Variants in LANCL3 observed in about 807,000 individuals in gnomAD.
LANCL3 encodes the protein lanC-like protein 3.
In LANCL3, 19 loss-of-function variants were observed where a neutral mutation model predicts 26.5. That is an observed-to-expected ratio of 0.72 (90% confidence interval 0.50 to 1.05). The LOEUF (loss-of-function observed/expected upper bound fraction) is 1.05. Ranked by LOEUF, LANCL3 falls within the 50% of genes least tolerant of loss-of-function variation. LANCL3 has a pLI of 0.00. For synonymous variants in LANCL3, 160 were observed against 166.6 expected, an observed-to-expected ratio of 0.96 and a Z score of 0.30; for missense variants, 318 against 362.7, an observed-to-expected ratio of 0.88 and a Z score of 1.00.
At chrX:37,663,129 C>T (rs1602134436) in intron 3 of LANCL3, among the ~76,000 whole-genome samples, 1 of 112,481 alleles carries the variant, frequency 8.9e-6, no homozygotes, top group African/African-American at 3.2e-5. Context: ...GGTCAACAGA[C>T]ATGTATGAGG....
At chrX:37,629,725 T>C (rs1462383865) in intron 1 of LANCL3, among the ~76,000 whole-genome samples, 139 of 111,548 alleles carry the variant, frequency 1.2e-3, no homozygotes, top group Non-Finnish European at 2.1e-3. Context: ...CCATTGCTTA[T>C]TTTTGTCAGG....
At chrX:37,632,424 C>G (rs1925549972) in intron 1 of LANCL3, among the ~76,000 whole-genome samples, 1 of 111,288 alleles carries the variant, frequency 9.0e-6, no homozygotes, top group Non-Finnish European at 1.9e-5. Flanking sequence ...CAGTCTGTGT[C>G]TTTTAATTGG....
intron 1 of LANCL3, among the ~76,000 whole-genome samples, chrX:37,575,250 A>T (rs1214506469): frequency 9.0e-6 from 1 of 110,982 alleles, no homozygotes; most frequent in Non-Finnish European, 1.9e-5. Context: ...TACTTCCTCA[A>T]TGAGGCTTTT....
At chrX:37,638,485 G>C (rs1322284574) in intron 1 of LANCL3, among the ~76,000 whole-genome samples, 1 of 111,375 alleles carries the variant, frequency 9.0e-6, no homozygotes, top group Non-Finnish European at 1.9e-5. Context: ...CCCTACTTCA[G>C]GATACCTAGT....
intron 1 of LANCL3, among the ~76,000 whole-genome samples, chrX:37,583,295 T>C (rs1210615163): frequency 8.9e-6 from 1 of 112,027 alleles, no homozygotes; most frequent in Non-Finnish European, 1.9e-5. Flanking sequence ...GACTTGGCAA[T>C]GTGGGCTCTT....
At chrX:37,670,310 G>A (rs1053094811) in intron 4 of LANCL3, among the ~76,000 whole-genome samples, 10 of 110,805 alleles carry the variant, frequency 9.0e-5, no homozygotes, top group African/African-American at 3.3e-4. Context: ...AATTTTGTTT[G>A]TAGCCTTTGT....
chrX:37,587,965 G>A (rs1489445158), intron 1 of LANCL3, among the ~76,000 whole-genome samples: 6 of 112,331 alleles, frequency 5.3e-5, no homozygotes, highest in Non-Finnish European at 1.1e-4. Flanking sequence ...TATTTAAAGA[G>A]AACATAGTTC....
In LANCL3 at chrX:37,681,127, G is replaced by A. The variant is rs1452369895; in HGVS notation, c.*5314G>A. The A allele has an allele frequency of 8.9e-6, 1 of 111,989 alleles. No individual in the cohort carries two copies. Among genetic ancestry groups the A allele is most frequent in the Non-Finnish European group, 1.9e-5 (1 of 53,213 alleles). The allele number at this position is 111,989 out of a possible 1,213,427, so 9.2% of individuals were successfully genotyped here. ...CTGCTAGAATTGTGCTGTGAGCCAC[G>A]AATGCAAACCACATATGCAATTTTC... On this transcript the variant is annotated 3_prime_UTR_variant, in exon 5 of 5. Transcript: ENST00000378619.
chrX:37,667,149 A>G, intron 3 of LANCL3, 133 bp from the exon 4 acceptor site: 1 of 330,190 alleles, frequency 3.0e-6, no homozygotes, highest in Non-Finnish European at 5.1e-6. Context: ...CAGGGCCCAC[A>G]TCAGAACTAC....
In LANCL3 at chrX:37,572,338, C is replaced by T; in HGVS notation, c.468C>T (p.Val156=). The T allele has an allele frequency of 2.6e-6, 3 of 1,165,435 alleles. No homozygotes were observed. Among genetic ancestry groups the T allele is most frequent in the Non-Finnish European group, 3.4e-6 (3 of 872,579 alleles). The stretch of plus-strand genomic sequence containing the variant: ...GCAAGTTCCGGGCTCTGTGTGCCGT[C>T]TGCGCGCCGGTCTCCTTCCTGGAGT... The part of the protein sequence containing the change: ...PLGKFRALCA[V]CAPVSFLECG... Residue 156 remains valine, a synonymous_variant, in exon 1 of 5, where the codon GTC becomes GTT. Transcript: ENST00000378619.
At chrX:37,663,775 T>C (rs1158706050) in intron 3 of LANCL3, among the ~76,000 whole-genome samples, 1 of 111,061 alleles carries the variant, frequency 9.0e-6, no homozygotes, top group Non-Finnish European at 1.9e-5. Flanking sequence ...CCACCTTCCT[T>C]TGATTGGCTG....
chrX:37,648,620 T>A (rs1926047261), intron 1 of LANCL3, among the ~76,000 whole-genome samples: 1 of 112,028 alleles, frequency 8.9e-6, no homozygotes. Context: ...TGGGATCTAA[T>A]TAAACTAAAG....
At chrX:37,610,633 A>G (rs1017421157) in intron 1 of LANCL3, among the ~76,000 whole-genome samples, 22 of 111,531 alleles carry the variant, frequency 2.0e-4, no homozygotes, top group Non-Finnish European at 3.4e-4. Context: ...TTTTCCCCCC[A>G]TCTTTGTTCC....
In LANCL3 at chrX:37,676,325, C is replaced by T. The variant is rs1265230912; in HGVS notation, c.*512C>T. The T allele has an allele frequency of 3.6e-5, 4 of 112,103 alleles. No individual in the cohort carries two copies. Among genetic ancestry groups the T allele is most frequent in the African/African-American group, 9.7e-5 (3 of 30,923 alleles). 9.2% of individuals were successfully genotyped at this position (112,103 alleles called of 1,213,427 possible). On this transcript the variant is annotated 3_prime_UTR_variant, in exon 5 of 5. Coordinates refer to ENST00000378619, the MANE Select transcript of LANCL3 (RefSeq NM_001170331.2). ...AACTCTTGGTTGTCCTGTGCTTATA[C>T]TTATTGAAATTTATGGTTTTTACTG...
intron 3 of LANCL3, among the ~76,000 whole-genome samples, chrX:37,661,915 T>C (rs1926431102): frequency 8.9e-6 from 1 of 112,276 alleles, no homozygotes; most frequent in Admixed American, 9.4e-5. Flanking sequence ...TTATGCAGTG[T>C]AGAAATAGTT....
rs1437751672 is a variant in LANCL3 at position 37,683,562 on chromosome X, C to T, written c.*7749C>T. ...CAAGTAAAATTTTGAAAGACTCGGA[C>T]ACAAAATGAAAGGCTTTTTAAAAAT... is the stretch of plus-strand genomic sequence containing the variant. On this transcript the variant is annotated 3_prime_UTR_variant, in exon 5 of 5. Coordinates refer to ENST00000378619, the MANE Select transcript of LANCL3 (RefSeq NM_001170331.2). 12 of 111,976 alleles carry T rather than the reference C, an allele frequency of 1.1e-4. No individual in the cohort carries two copies. The allele number at this position is 111,976 out of a possible 1,213,427, so 9.2% of individuals were successfully genotyped here. A position where few individuals can be genotyped will look rare whatever the true frequency, so the allele number is the denominator to read the frequency against.
rs782725145 is a variant in LANCL3, at chrX:37,572,142, G to T, written c.272G>T (p.Arg91Leu). 1.7e-6 allele frequency: 2 copies of T among 1,194,488 alleles called. No homozygotes were observed. The highest frequency in any genetic ancestry group is 3.5e-5 in the African/African-American group (2 of 57,697). ...QSPLFATARE[R>L]YLRSAKRLID... ...CCGCTTTTCGCCACGGCCCGGGAAC[G>T]CTACCTGCGCTCGGCTAAGCGCCTC... is the stretch of plus-strand genomic sequence containing the variant. Residue 91 changes from arginine (R) to leucine (L), a missense_variant, in exon 1 of 5, where the codon CGC (arginine) becomes CTC (leucine). By Grantham distance (102) the Arg-to-Leu change is moderately radical. Coordinates refer to ENST00000378619, the MANE Select transcript of LANCL3 (RefSeq NM_001170331.2).
At chrX:37,612,816 G>A (rs1412346050) in intron 1 of LANCL3, among the ~76,000 whole-genome samples, 2 of 111,881 alleles carry the variant, frequency 1.8e-5, no homozygotes, top group Non-Finnish European at 3.8e-5. Flanking sequence ...TGAGAGAAGT[G>A]ATAGAATAGA....
intron 1 of LANCL3, among the ~76,000 whole-genome samples, chrX:37,649,417 A>G (rs5918046): frequency 0.23 from 25,414 of 109,275 alleles, 2,614 homozygotes; most frequent in African/African-American, 0.39. Flanking sequence ...GAACACATGG[A>G]CACAGGGAGA....
Sources: allele counts gnomAD v4.1 joint callset (sites outside exome capture counted in the v4.1 genomes callset), GRCh38; gene constraint gnomAD v4.1.1; transcripts MANE v1.5; gene names NCBI Gene and HGNC (gene_info 2026-07-23, HGNC 2026-07-21).